Variants in L3MBTL4 observed in about 807,000 individuals in gnomAD.
The protein encoded by L3MBTL4 is L3MBTL histone methyl-lysine binding protein 4.
L3MBTL4 carries 70 observed loss-of-function variants against 84.5 expected under a neutral mutation model. The observed-to-expected ratio is 0.83, with a 90% CI of 0.68 to 1.01. The LOEUF is 1.01. Among genes scored for constraint, L3MBTL4 ranks in the 50% least tolerant of loss-of-function variants. L3MBTL4 has a pLI of 0.00. For synonymous variants in L3MBTL4, 274 were observed against 259.8 expected (o/e 1.05, Z -0.52); for missense variants, 715 against 754.8 (o/e 0.95, Z 0.62).
chr18:6,075,241 C>A (rs1321665666), intron 16 of L3MBTL4, among the ~76,000 whole-genome samples: 1 of 152,008 alleles, frequency 6.6e-6, no homozygotes, highest in South Asian at 2.1e-4. Flanking sequence ...AGAAAAAGAA[C>A]AAAAATGGAG....
At chr18:6,406,003 TCTTA>T (rs2055720104) in intron 1 of L3MBTL4, among the ~76,000 whole-genome samples, 3 of 146,206 alleles carry the variant, frequency 2.1e-5, no homozygotes, top group Admixed American at 2.1e-4. Flanking sequence ...ATGAATGTAC[TCTTA>T]CTTAGCAGCT....
At chr18:6,070,038 G>A (rs1178458014) in intron 16 of L3MBTL4, among the ~76,000 whole-genome samples, 3 of 151,972 alleles carry the variant, frequency 2.0e-5, no homozygotes, top group African/African-American at 4.8e-5. Flanking sequence ...AAAACGGAGG[G>A]GAAATAATGA....
intron 4 of L3MBTL4, among the ~76,000 whole-genome samples, chr18:6,289,956 C>T (rs1380011665): frequency 6.6e-6 from 1 of 152,136 alleles, no homozygotes; most frequent in South Asian, 2.1e-4. Flanking sequence ...CAGGGACTTG[C>T]TCTGTTGCCT....
intron 13 of L3MBTL4, among the ~76,000 whole-genome samples, chr18:6,139,776 G>A (rs2060139251): frequency 6.6e-6 from 1 of 152,128 alleles, no homozygotes; most frequent in South Asian, 2.1e-4. Flanking sequence ...CATGCCTCCA[G>A]AGAGGCAGGG....
At chr18:6,275,291 G>A (rs146697147) in intron 4 of L3MBTL4, among the ~76,000 whole-genome samples, 31 of 152,296 alleles carry the variant, frequency 2.0e-4, no homozygotes, top group Non-Finnish European at 4.1e-4. Flanking sequence ...AGGAATGCAG[G>A]TGGAAATGCT....
chr18:6,260,213 C>A (rs1020323267), intron 5 of L3MBTL4: 1 of 152,160 alleles, frequency 6.6e-6, no homozygotes, highest in Non-Finnish European at 1.5e-5. Context: ...AGTCTGAAGT[C>A]AGGTAATACG....
chr18:6,369,296 A>C (rs2054062767), intron 1 of L3MBTL4, among the ~76,000 whole-genome samples: 1 of 152,142 alleles, frequency 6.6e-6, no homozygotes. Flanking sequence ...AACTAACAGA[A>C]GATATAAGAA....
chr18:6,030,233 G>A, intron 16 of L3MBTL4: 5 of 924,870 alleles, frequency 5.4e-6, no homozygotes, highest in Non-Finnish European at 6.5e-6. Context: ...ACTGAAGGCT[G>A]AGGATCAGGT....
intron 4 of L3MBTL4, among the ~76,000 whole-genome samples, chr18:6,267,436 C>T (rs889196045): frequency 1.3e-5 from 2 of 152,184 alleles, no homozygotes; most frequent in African/African-American, 2.4e-5. Context: ...GTTTCTGCCA[C>T]GAGATGTTTT....
intron 1 of L3MBTL4, among the ~76,000 whole-genome samples, chr18:6,408,715 T>C (rs371312635): frequency 6.6e-6 from 1 of 151,410 alleles, no homozygotes; most frequent in Non-Finnish European, 1.5e-5. Flanking sequence ...CGAGTCTCGC[T>C]CTGTCACCTA....
chr18:6,301,129 G>T (rs886318670), intron 4 of L3MBTL4, among the ~76,000 whole-genome samples: 1 of 151,966 alleles, frequency 6.6e-6, no homozygotes, highest in Non-Finnish European at 1.5e-5. Context: ...ATTCTTATTT[G>T]TCATTTTTTT....
At chr18:6,285,535 T>C (rs1301509959) in intron 4 of L3MBTL4, among the ~76,000 whole-genome samples, 4 of 151,784 alleles carry the variant, frequency 2.6e-5, no homozygotes, top group African/African-American at 9.7e-5. Context: ...AAAGTCATCA[T>C]ATAAATTGGG....
chr18:6,097,803 T>C (rs897732247), intron 14 of L3MBTL4, among the ~76,000 whole-genome samples: 34 of 152,206 alleles, frequency 2.2e-4, no homozygotes, highest in African/African-American at 8.0e-4. Context: ...CTCAGGTGCC[T>C]TCCTGGTATG....
intron 12 of L3MBTL4, among the ~76,000 whole-genome samples, chr18:6,189,917 G>A (rs1174137958): frequency 1.3e-5 from 2 of 152,144 alleles, no homozygotes; most frequent in Non-Finnish European, 2.9e-5. Context: ...GATATGCAAC[G>A]ATTATCCCAT....
chr18:6,074,691 A>G (rs772977345), intron 16 of L3MBTL4, among the ~76,000 whole-genome samples: 1 of 152,148 alleles, frequency 6.6e-6, no homozygotes, highest in African/African-American at 2.4e-5. Flanking sequence ...TCATATTAGA[A>G]GCATGCAAAG....
chr18:6,098,897 G>A (rs1024533461), intron 14 of L3MBTL4, among the ~76,000 whole-genome samples: 20 of 152,170 alleles, frequency 1.3e-4, no homozygotes, highest in Non-Finnish European at 2.8e-4. Context: ...TTATGAAGGA[G>A]TAGGTAGGAG....
chr18:6,161,957 T>C (rs868585429), intron 13 of L3MBTL4, among the ~76,000 whole-genome samples: 2 of 150,648 alleles, frequency 1.3e-5, no homozygotes, highest in Non-Finnish European at 3.0e-5. Context: ...CTAAGAAAGC[T>C]AAGAGAGAAT....
At chr18:5,980,290 G>GTGTCA (rs1474084231) in intron 16 of L3MBTL4, among the ~76,000 whole-genome samples, 2 of 152,270 alleles carry the variant, frequency 1.3e-5, no homozygotes, top group Admixed American at 6.5e-5. Flanking sequence ...CTAAGGCCAC[G>GTGTCA]TGTCATCCCA....
At chr18:6,194,492 T>C (rs1401775576) in intron 12 of L3MBTL4, among the ~76,000 whole-genome samples, 2 of 152,226 alleles carry the variant, frequency 1.3e-5, no homozygotes, top group Non-Finnish European at 2.9e-5. Flanking sequence ...TTATTACCAA[T>C]TTAAAAGAAA....
Sources: gnomAD v4.1 joint callset for allele counts (sites outside exome capture counted in the v4.1 genomes callset) on GRCh38, gnomAD v4.1.1 for gene constraint, MANE v1.5 for transcripts, NCBI Gene and HGNC (gene_info 2026-07-23, HGNC 2026-07-21) for gene names.